ZFP62: variants seen among roughly 807,000 people sequenced by gnomAD.
ZFP62 encodes the protein zinc finger protein 62 homolog.
A neutral mutation model predicts 56.4 loss-of-function variants in ZFP62; 44 were observed. That is an observed-to-expected ratio of 0.78 (90% CI 0.61 to 1.00). ZFP62 has a LOEUF of 1.00. Ranked by LOEUF, ZFP62 falls within the 50% of genes least tolerant of loss-of-function variation. The probability of loss-of-function intolerance (pLI) is 0.00; values close to 1 mark genes in which losing one functional copy is unlikely to be tolerated. For missense variants in ZFP62, 1,030 were observed against 1,085.7 expected (o/e 0.95, Z 0.72); for synonymous variants, 421 against 388.9 (o/e 1.08, Z -0.97).
At chr5:180,855,949 C>T (rs897221020) in intron 1 of ZFP62, among the ~76,000 whole-genome samples, 14 of 152,370 alleles carry the variant, frequency 9.2e-5, no homozygotes, top group South Asian at 4.1e-4. Context: ...CTAAAGCCTT[C>T]TGCACCAGCC....
rs1773666406 is a variant in ZFP62, at chr5:180,850,927, T to A, written c.568A>T (p.Ile190Phe). The change falls in exon 2 of 2, where the codon ATC becomes TTC. Residue 190 changes from isoleucine (I) to phenylalanine (F), a missense_variant. Physicochemically the swap from Ile to Phe is conservative, Grantham distance 21 (BLOSUM62 0). Transcript: ENST00000502412. Reference protein sequence around the residue: ...SSSSLRVHKRIHTGEKPYKCE... With the variant: ...SSSSLRVHKRFHTGEKPYKCE... ...TTGTACGGCTTCTCCCCAGTGTGGA[T>A]CCGTTTGTGGACCCGAAGGCTCGAG... 3 of 1,562,558 alleles carry A rather than the reference T, an allele frequency of 1.9e-6. No homozygotes were observed. The highest frequency in any genetic ancestry group is 2.6e-6 in the Non-Finnish European group (3 of 1,153,766).
chr5:180,837,083 C>T, the ZFP62 span, among the ~76,000 whole-genome samples: 1 of 152,212 alleles, frequency 6.6e-6, no homozygotes, highest in Non-Finnish European at 1.5e-5. Context: ...AATGAAGCTT[C>T]TGCTAACTCA....
the ZFP62 span, chr5:180,835,015 C>A: frequency 6.6e-6 from 1 of 152,474 alleles, no homozygotes; most frequent in Non-Finnish European, 1.5e-5. Context: ...TTTCCTCAGA[C>A]ACCAGATCTG....
chr5:180,851,310 T>A lies in ZFP62; in HGVS notation c.185A>T (p.Lys62Met), dbSNP rs1246634676. ...TTCCCTGATGCTGCTTTTGTCCTCC[T>A]TCATCCTGTTTTCCACAGGCTTTTT... ...QQKKPVENRM[K>M]EDKSSIREAI... The change falls in exon 2 of 2, where the codon AAG (lysine) becomes ATG (methionine). Residue 62 changes from lysine (K) to methionine (M), a missense_variant. Transcript: ENST00000502412. 1.3e-6 allele frequency: 2 copies of A among 1,551,608 alleles called. No individual in the cohort carries two copies. The highest frequency in any genetic ancestry group is 1.7e-6 in the Non-Finnish European group (2 of 1,147,010).
At chr5:180,839,679 G>A in the ZFP62 span, among the ~76,000 whole-genome samples, 1 of 152,136 alleles carries the variant, frequency 6.6e-6, no homozygotes, top group Non-Finnish European at 1.5e-5. Flanking sequence ...TATTACCTGG[G>A]TGATGAAACA....
the ZFP62 span, among the ~76,000 whole-genome samples, chr5:180,841,048 A>G: frequency 6.6e-6 from 1 of 152,092 alleles, no homozygotes; most frequent in African/African-American, 2.4e-5. Context: ...GGTCTAAGAA[A>G]TAACTTCTTA....
At chr5:180,858,398 A>C (rs1561911159) in intron 1 of ZFP62, among the ~76,000 whole-genome samples, 1 of 152,004 alleles carries the variant, frequency 6.6e-6, no homozygotes, top group Non-Finnish European at 1.5e-5. Flanking sequence ...TGAGGCTAGG[A>C]GTTCAAAACC....
At chr5:180,829,338 G>A in the ZFP62 span, among the ~76,000 whole-genome samples, 1 of 152,236 alleles carries the variant, frequency 6.6e-6, no homozygotes, top group South Asian at 2.1e-4. Flanking sequence ...TCTTTGTTCT[G>A]CCTTTTGCCC....
chr5:180,858,279 GAAA>G (rs1345418139), intron 1 of ZFP62, among the ~76,000 whole-genome samples: 24 of 108,188 alleles, frequency 2.2e-4, no homozygotes, highest in East Asian at 8.6e-4. Flanking sequence ...AAAAAAAAAA[GAAA>G]AAAAGAAAAG....
intron 1 of ZFP62, 114 bp from the exon 2 acceptor site, chr5:180,851,607 T>A (rs905480688): frequency 5.0e-6 from 6 of 1,207,582 alleles, no homozygotes; most frequent in South Asian, 3.3e-5. Context: ...CAACATACTG[T>A]GTGACAGGTA....
At chr5:180,843,653 AAAGC>A, downstream of ZFP62, among the ~76,000 whole-genome samples, 1 of 152,244 alleles carries the variant, frequency 6.6e-6, no homozygotes, top group Non-Finnish European at 1.5e-5. Context: ...TCAAATATAT[AAAGC>A]AAAGTTCACA....
chr5:180,834,034 C>T, the ZFP62 span, among the ~76,000 whole-genome samples: 7 of 152,092 alleles, frequency 4.6e-5, no homozygotes, highest in African/African-American at 1.7e-4. Context: ...TGCTCGTCTG[C>T]CCCCAAAGTT....
intron 1 of ZFP62, among the ~76,000 whole-genome samples, chr5:180,858,800 G>A (rs1774146777): frequency 6.6e-6 from 1 of 152,080 alleles, no homozygotes; most frequent in Non-Finnish European, 1.5e-5. Flanking sequence ...TAAAGACCCA[G>A]AAACTCCTGA....
downstream of ZFP62, among the ~76,000 whole-genome samples, chr5:180,846,490 G>A (rs1161535028): frequency 6.6e-6 from 1 of 152,182 alleles, no homozygotes; most frequent in African/African-American, 2.4e-5. Context: ...CACGACTACG[G>A]GGAACGAGTA....
At chr5:180,830,251 G>A in the ZFP62 span, 2 of 152,324 alleles carry the variant, frequency 1.3e-5, no homozygotes, top group South Asian at 2.1e-4. Context: ...CAGAGTTTGG[G>A]GAGGTCTCAT....
chr5:180,828,341 C>T, the ZFP62 span, among the ~76,000 whole-genome samples: 1 of 152,138 alleles, frequency 6.6e-6, no homozygotes, highest in East Asian at 1.9e-4. Flanking sequence ...ACTCAGATCA[C>T]TCAGGAGAGT....
chr5:180,838,720 T>G, the ZFP62 span, among the ~76,000 whole-genome samples: 1 of 152,330 alleles, frequency 6.6e-6, no homozygotes, highest in Non-Finnish European at 1.5e-5. Context: ...TAAAATTTTT[T>G]TAAAAAGAGC....
the ZFP62 span, among the ~76,000 whole-genome samples, chr5:180,842,473 A>C: frequency 6.6e-6 from 1 of 152,074 alleles, no homozygotes; most frequent in Non-Finnish European, 1.5e-5. Context: ...ATCTTAAAAG[A>C]AGCTATTTTA....
chr5:180,856,552 C>G (rs1188573202), intron 1 of ZFP62, among the ~76,000 whole-genome samples: 1 of 152,150 alleles, frequency 6.6e-6, no homozygotes, highest in Admixed American at 6.5e-5. Flanking sequence ...TGTTTGTTTT[C>G]CAGGCCCCGG....
Sources: gnomAD v4.1 joint callset for allele counts (sites outside exome capture counted in the v4.1 genomes callset) on GRCh38, gnomAD v4.1.1 for gene constraint, MANE v1.5 for transcripts, NCBI Gene and HGNC (gene_info 2026-07-23, HGNC 2026-07-21) for gene names.